Variants in FIG4 observed in about 807,000 individuals in gnomAD.
FIG4 encodes polyphosphoinositide phosphatase.
A neutral mutation model predicts 118.6 loss-of-function variants in FIG4; 112 were observed. The observed-to-expected ratio is 0.94, with a 90% confidence interval of 0.81 to 1.11. The LOEUF (loss-of-function observed/expected upper bound fraction) is 1.11. FIG4 is among the 50% of genes least tolerant of loss of function. The pLI, the probability that FIG4 is intolerant of heterozygous loss-of-function variation, is 0.00. For missense variants in FIG4, 969 were observed against 1,111.7 expected (o/e 0.87, Z 1.83); for synonymous variants, 369 against 381.2 (o/e 0.97, Z 0.37).
rs531676405 is a variant in FIG4, at chr6:109,787,606, C to T, written c.2096+1157C>T. ...AAACTGACTTTAAATGAAATGATGT[C>T]GGAAAAAACAACATTATTTAAGGAC... On this transcript the variant is annotated intron_variant, in intron 18 of 22. Transcript: ENST00000230124. 2.6e-5 allele frequency among the ~76,000 whole-genome samples: 4 copies of T among 152,204 alleles called. 1 individual carries two copies. Among genetic ancestry groups the T allele is most frequent in the Non-Finnish European group, 5.9e-5 (4 of 68,000 alleles).
In FIG4 at chr6:109,741,378, A is replaced by G. The variant is rs900534357; in HGVS notation, c.776-66A>G. The G allele has an allele frequency of 1.0e-5, 10 of 989,974 alleles. No individual in the cohort carries two copies. In the African/African-American group the frequency reaches 1.4e-4, roughly 14 times the overall value. The allele number at this position is 989,974 out of a possible 1,614,324, so 61.3% of individuals were successfully genotyped here. A position where few individuals can be genotyped will look rare whatever the true frequency, so the allele number is the denominator to read the frequency against. On this transcript the variant is annotated intron_variant, in intron 7 of 22. Coordinates refer to ENST00000230124, the MANE Select transcript of FIG4 (RefSeq NM_014845.6). ...GCTGTATCTAAATGTTTATTTAAGG[A>G]ATAATGACTCTCTTGGTCTTATGTG...
intron 10 of FIG4, among the ~76,000 whole-genome samples, chr6:109,745,816 A>G (rs985972783): frequency 2.0e-5 from 3 of 152,070 alleles, no homozygotes; most frequent in Non-Finnish European, 4.4e-5. Context: ...TAATTTTTGT[A>G]TAAGGTGTAA....
At chr6:109,736,447 A>T (rs989165531) in intron 6 of FIG4, among the ~76,000 whole-genome samples, 1 of 152,138 alleles carries the variant, frequency 6.6e-6, no homozygotes, top group Non-Finnish European at 1.5e-5. Flanking sequence ...TAGATCACAT[A>T]CATTTGCCCT....
chr6:109,693,704 C>A (rs114876990), intron 1 of FIG4, among the ~76,000 whole-genome samples: 3,173 of 152,240 alleles, frequency 0.021, 99 homozygotes, highest in African/African-American at 0.073. Context: ...TGGTTATCAT[C>A]CCCTGAGTGG....
Position 109,791,519 on chromosome 6 carries a change from G to A in FIG4, c.2324G>A (p.Arg775His), listed in dbSNP as rs775280287. The change falls in exon 20 of 23, where the codon CGC (arginine) becomes CAC (histidine). Residue 775 changes from arginine (R) to histidine (H), a missense_variant. Physicochemically the swap from Arg to His is conservative, Grantham distance 29. Around this residue, in one of 3 missense-constraint regions of FIG4, gnomAD observed 330 missense variants for 348.1 expected, o/e 0.95. Transcript: ENST00000230124. Reference protein sequence around the residue: ...DREEEGSVSQRSTPVKMTDAG... With the variant: ...DREEEGSVSQHSTPVKMTDAG... ...GAAGAAGAGGGCTCTGTGTCTCAGC[G>A]CTCCACTCCCGTGAAGATGACTGAT... 2.5e-6 allele frequency: 4 copies of A among 1,614,008 alleles called. No homozygotes were observed. Among genetic ancestry groups the A allele is most frequent in the Non-Finnish European group, 3.4e-6 (4 of 1,180,036 alleles).
chr6:109,739,657 T>C (rs1284447035), intron 7 of FIG4, among the ~76,000 whole-genome samples: 1 of 152,166 alleles, frequency 6.6e-6, no homozygotes. Flanking sequence ...AACCAGTCAC[T>C]TTGTCCAGCG....
At chr6:109,753,705 A>G (rs1012334039) in intron 10 of FIG4, among the ~76,000 whole-genome samples, 1 of 151,976 alleles carries the variant, frequency 6.6e-6, no homozygotes, top group East Asian at 1.9e-4. Flanking sequence ...CTTTGAAGCA[A>G]TTGTGAATGG....
intron 3 of FIG4, among the ~76,000 whole-genome samples, chr6:109,722,512 A>T (rs1473551199): frequency 6.6e-6 from 1 of 152,010 alleles, no homozygotes; most frequent in East Asian, 1.9e-4. Flanking sequence ...AGACTATAAC[A>T]CTCTGAGAGA....
intron 12 of FIG4, among the ~76,000 whole-genome samples, chr6:109,762,561 T>C (rs941651898): frequency 1.3e-5 from 2 of 150,890 alleles, no homozygotes; most frequent in African/African-American, 4.9e-5. Flanking sequence ...AAAATAGTAT[T>C]GTATTATAGT....
At chr6:109,824,195 T>G (rs991506491) in intron 22 of FIG4, among the ~76,000 whole-genome samples, 2 of 152,114 alleles carry the variant, frequency 1.3e-5, no homozygotes, top group Non-Finnish European at 2.9e-5. Context: ...TATTTTTGAA[T>G]AGAGAGATTA....
chr6:109,734,888 T>C (rs1776114113), intron 5 of FIG4, among the ~76,000 whole-genome samples: 1 of 152,192 alleles, frequency 6.6e-6, no homozygotes, highest in Non-Finnish European at 1.5e-5. Flanking sequence ...ATGCACATTG[T>C]ACAAATCAAA....
At chr6:109,704,540 C>T (rs1354530422) in intron 1 of FIG4, among the ~76,000 whole-genome samples, 1 of 151,942 alleles carries the variant, frequency 6.6e-6, no homozygotes, top group Non-Finnish European at 1.5e-5. Context: ...TCATGGTGCA[C>T]GTCTGTAATC....
intron 18 of FIG4, among the ~76,000 whole-genome samples, chr6:109,788,588 C>A (rs534743660): frequency 6.6e-6 from 1 of 152,138 alleles, no homozygotes; most frequent in African/African-American, 2.4e-5. Context: ...GAAAGTACCA[C>A]GAGGATTGAT....
intron 1 of FIG4, among the ~76,000 whole-genome samples, chr6:109,692,447 A>C (rs1054395115): frequency 6.6e-6 from 1 of 152,236 alleles, no homozygotes; most frequent in Admixed American, 6.5e-5. Flanking sequence ...TCTCAGTTAT[A>C]ACGTAGTCCT....
At chr6:109,739,714 G>A (rs1191067547) in intron 7 of FIG4, among the ~76,000 whole-genome samples, 1 of 151,992 alleles carries the variant, frequency 6.6e-6, no homozygotes, top group Non-Finnish European at 1.5e-5. Context: ...CTTGGTACTT[G>A]GAACCGAAGT....
Position 109,796,765 on chromosome 6 carries a change from A to T in FIG4, c.2460A>T (p.Arg820Ser). ...GACTCTTATCCATTGTAATTTGTAG[A>T]TTTGTTCAGCTGGGGCAGAGTCAAC... ...LSEEDFSIYS[R>S]FVQLGQSQHK... is the part of the protein sequence containing the mutation. The change falls in exon 22 of 23, where the codon AGA (arginine) becomes AGT (serine). Residue 820 changes from arginine to serine, a missense_variant and splice_region_variant. Arg to Ser is a moderately radical substitution (Grantham distance 110). Transcript: ENST00000230124. 6.3e-7 allele frequency: 1 copy of T among 1,596,474 alleles called. No homozygotes were observed.
chr6:109,716,706 T>A, intron 3 of FIG4, 138 bp downstream of exon 3: 2 of 1,025,122 alleles, frequency 2.0e-6, no homozygotes, highest in African/African-American at 1.6e-5. Context: ...TAAAACTTCA[T>A]TATCCATCAA....
intron 3 of FIG4, among the ~76,000 whole-genome samples, chr6:109,721,675 G>A (rs190525352): frequency 3.3e-5 from 5 of 152,280 alleles, no homozygotes; most frequent in African/African-American, 1.2e-4. Flanking sequence ...TGTTCATCAT[G>A]TTAGAAGGAT....
At chr6:109,811,801 G>A (rs925668061) in intron 22 of FIG4, among the ~76,000 whole-genome samples, 3 of 152,182 alleles carry the variant, frequency 2.0e-5, no homozygotes, top group African/African-American at 4.8e-5. Context: ...TTTCTCTGAG[G>A]AGTTAATGTT....
Sources: allele counts gnomAD v4.1 joint callset (sites outside exome capture counted in the v4.1 genomes callset), GRCh38; gene constraint gnomAD v4.1.1; regional missense constraint gnomAD v4.1.1; transcripts MANE v1.5; gene names NCBI Gene and HGNC (gene_info 2026-07-23, HGNC 2026-07-21).